YIPF6: variants seen among roughly 807,000 people sequenced by gnomAD.
YIPF6 encodes protein YIPF6.
YIPF6 carries 3 observed loss-of-function variants against 16.8 expected under a neutral mutation model. The ratio of observed to expected loss-of-function variants is 0.18; its 90% CI spans 0.08 to 0.46. The LOEUF is 0.46. YIPF6 is among the 20% of genes least tolerant of loss of function. YIPF6 has a pLI of 0.98. For synonymous variants in YIPF6, 67 were observed against 61.9 expected, an observed-to-expected ratio of 1.08 and a Z score of -0.38; for missense variants, 145 against 184.9, an observed-to-expected ratio of 0.78 and a Z score of 1.25.
At chrX:68,505,930 T>C (rs1376952012) in intron 1 of YIPF6, among the ~76,000 whole-genome samples, 2 of 111,754 alleles carry the variant, frequency 1.8e-5, no homozygotes, top group Non-Finnish European at 3.8e-5. Context: ...CTATTACCTA[T>C]AGACCATATT....
chrX:68,534,058 C>T lies in YIPF6; in HGVS notation c.*2059C>T. ...TTATAAATATTGGGACTTAAGGCAG[C>T]TTGTTCTATGTATTTATCTTTGCTC... is the stretch of plus-strand genomic sequence containing the variant. On this transcript the variant is annotated 3_prime_UTR_variant, in exon 7 of 7. Transcript: ENST00000462683. 8.9e-6 allele frequency: 1 copy of T among 111,884 alleles called. No homozygotes were observed. The highest frequency in any genetic ancestry group is 4.6e-3 in the Middle Eastern group (1 of 216). The allele number at this position is 111,884 out of a possible 1,213,427, so 9.2% of individuals were successfully genotyped here.
intron 6 of YIPF6, among the ~76,000 whole-genome samples, chrX:68,523,359 G>A (rs2079134831): frequency 8.9e-6 from 1 of 111,953 alleles, no homozygotes; most frequent in South Asian, 3.7e-4. Flanking sequence ...CTCTAATAGA[G>A]AAATACTGTT....
At chrX:68,508,331 C>G (rs2079067761) in intron 1 of YIPF6, among the ~76,000 whole-genome samples, 1 of 110,089 alleles carries the variant, frequency 9.1e-6, no homozygotes, top group Non-Finnish European at 1.9e-5. Flanking sequence ...CTGGAACTCC[C>G]TGGCTCAAGC....
intron 3 of YIPF6, chrX:68,514,267 A>T (rs1348495179): frequency 1.9e-5 from 2 of 104,079 alleles, no homozygotes; most frequent in African/African-American, 3.4e-5. Context: ...TATATATTTT[A>T]AAAAATGCTC....
chrX:68,529,671 T>G (rs2079163358), intron 6 of YIPF6, among the ~76,000 whole-genome samples: 1 of 111,828 alleles, frequency 8.9e-6, no homozygotes, highest in African/African-American at 3.2e-5. Context: ...GTGGATGTCC[T>G]TTTTTTGATG....
rs149529746 is a variant in YIPF6 at position 68,520,500 on chromosome X, G to A, written c.309-872G>A. On this transcript the variant is annotated intron_variant, in intron 4 of 6. Transcript: ENST00000462683. Reference sequence around the variant, plus strand: ...ATTATTTTTATTTTGTTTTGAGGCAGTCTCACTCAGTTACCCAGGCTGAGT... The same window carrying A: ...ATTATTTTTATTTTGTTTTGAGGCAATCTCACTCAGTTACCCAGGCTGAGT... Among the ~76,000 whole-genome samples the A allele has an allele frequency of 4.4e-3, 491 of 111,510 alleles. 1 individual carries two copies. Among genetic ancestry groups the A allele is most frequent in the African/African-American group, 0.015 (475 of 30,716 alleles).
intron 2 of YIPF6, 23 bp from the exon 3 acceptor site, chrX:68,513,304 A>G (rs1434148877): frequency 1.7e-6 from 2 of 1,187,522 alleles, no homozygotes; most frequent in South Asian, 3.7e-5. Flanking sequence ...ATCACAATAC[A>G]ACAAGTTGTT....
At chrX:68,516,872 T>A (rs1285357185) in intron 3 of YIPF6, among the ~76,000 whole-genome samples, 1 of 107,729 alleles carries the variant, frequency 9.3e-6, no homozygotes, top group Non-Finnish European at 1.9e-5. Flanking sequence ...GTGTAGTGAG[T>A]GGAGGTTGCG....
At chrX:68,521,275 G>A (rs765657273) in intron 4 of YIPF6, 97 bp from the exon 5 acceptor site, 21 of 1,013,112 alleles carry the variant, frequency 2.1e-5, no homozygotes, top group Admixed American at 1.1e-4. Context: ...GGTGAGGTAT[G>A]GCACAGCAAT....
chrX:68,535,008 G>A lies in YIPF6; in HGVS notation c.*3009G>A, dbSNP rs1027423241. ...CGGGTAAAGACTGGATTTAATTGCT[G>A]TTCAGAGTATAAAAACTCAATTGAT... On this transcript the variant is annotated 3_prime_UTR_variant, in exon 7 of 7. Coordinates refer to ENST00000462683, the MANE Select transcript of YIPF6 (RefSeq NM_173834.4). 1.8e-4 allele frequency: 20 copies of A among 112,521 alleles called. No homozygotes were observed. The highest frequency in any genetic ancestry group is 6.1e-4 in the African/African-American group (19 of 31,003). 9.3% of individuals were successfully genotyped at this position (112,521 alleles called of 1,213,427 possible).
chrX:68,511,747 C>A, intron 1 of YIPF6, 102 bp from the exon 2 acceptor site: 1 of 983,799 alleles, frequency 1.0e-6, no homozygotes, highest in South Asian at 2.8e-5. Context: ...CTATGTAAAA[C>A]CCTACAAAAT....
At chrX:68,501,667 A>T (rs1410420069) in intron 1 of YIPF6, among the ~76,000 whole-genome samples, 2 of 112,092 alleles carry the variant, frequency 1.8e-5, no homozygotes, top group Non-Finnish European at 3.8e-5. Context: ...ACTTATATAT[A>T]TCCATTTGTG....
At chrX:68,519,584 A>T (rs977035510) in intron 4 of YIPF6, among the ~76,000 whole-genome samples, 1 of 109,626 alleles carries the variant, frequency 9.1e-6, no homozygotes, top group Admixed American at 9.9e-5. Context: ...TAGACCTGAG[A>T]TTCAACCTCA....
intron 1 of YIPF6, among the ~76,000 whole-genome samples, chrX:68,505,550 C>A (rs2079056603): frequency 8.9e-6 from 1 of 112,107 alleles, no homozygotes; most frequent in Non-Finnish European, 1.9e-5. Context: ...GTGAGAAGGC[C>A]AATGCCAGAT....
At chrX:68,521,130 T>A (rs1171781922) in intron 4 of YIPF6, among the ~76,000 whole-genome samples, 2 of 111,725 alleles carry the variant, frequency 1.8e-5, no homozygotes, top group African/African-American at 6.5e-5. Flanking sequence ...CTTCAATAAT[T>A]CATTTAAACA....
rs58273451 is a variant in YIPF6 at position 68,532,599 on chromosome X, C to CAAAAAAAAA, written c.*611_*619dup. On this transcript the variant is annotated 3_prime_UTR_variant, in exon 7 of 7. Coordinates refer to ENST00000462683, the MANE Select transcript of YIPF6 (RefSeq NM_173834.4). Reference sequence around the variant, plus strand: ...ATCAGGGGAAATTCTACACTTGTTGCAAAAAAAAAAAAAAAAAAAGCAAAG... The same window carrying CAAAAAAAAA: ...ATCAGGGGAAATTCTACACTTGTTGCAAAAAAAAAAAAAAAAAAAAAAAAAAAAGCAAAG... 1 of 44,458 alleles carries CAAAAAAAAA rather than the reference C, an allele frequency of 2.2e-5. No homozygotes were observed. The highest frequency in any genetic ancestry group is 7.4e-5 in the African/African-American group (1 of 13,596). The allele number at this position is 44,458 out of a possible 1,213,427, so 3.7% of individuals were successfully genotyped here.
intron 1 of YIPF6, among the ~76,000 whole-genome samples, chrX:68,502,635 G>T (rs1017168981): frequency 8.1e-5 from 9 of 111,140 alleles, no homozygotes; most frequent in African/African-American, 2.9e-4. Context: ...TTGAGATACT[G>T]GCAGGCCATT....
At chrX:68,521,567 G>A (rs1441756115) in intron 5 of YIPF6, 70 bp downstream of exon 5, 1 of 1,099,507 alleles carries the variant, frequency 9.1e-7, no homozygotes, top group Non-Finnish European at 1.2e-6. Context: ...AGGAATACAG[G>A]CTAGCTAGAT....
At chrX:68,521,108 TA>T (rs1192341672) in intron 4 of YIPF6, among the ~76,000 whole-genome samples, 1 of 111,132 alleles carries the variant, frequency 9.0e-6, no homozygotes, top group African/African-American at 3.3e-5. Context: ...AACCTCTGCT[TA>T]AAAAAAAGGT....
Sources: gnomAD v4.1 joint callset for allele counts (sites outside exome capture counted in the v4.1 genomes callset) on GRCh38, gnomAD v4.1.1 for gene constraint, MANE v1.5 for transcripts, NCBI Gene and HGNC (gene_info 2026-07-23, HGNC 2026-07-21) for gene names.